The following ALG13 variants were observed in gnomAD, a reference collection of about 807,000 sequenced individuals.
ALG13 encodes UDP-N-acetylglucosamine transferase subunit ALG13.
A neutral mutation model predicts 87.8 loss-of-function variants in ALG13; 11 were observed. The ratio of observed to expected loss-of-function variants is 0.13; its 90% confidence interval spans 0.08 to 0.21. The LOEUF (loss-of-function observed/expected upper bound fraction) is 0.21. Ranked by LOEUF, ALG13 falls within the 10% of genes least tolerant of loss-of-function variation. The probability of loss-of-function intolerance (pLI) is 1.00; values close to 1 mark genes in which losing one functional copy is unlikely to be tolerated. For missense variants in ALG13, 756 were observed against 866.1 expected, an observed-to-expected ratio of 0.87 and a Z score of 1.60; for synonymous variants, 320 against 306.3, an observed-to-expected ratio of 1.04 and a Z score of -0.47.
At chrX:111,717,813 A>G in intron 8 of ALG13, 33 bp from the exon 9 acceptor site, 1 of 1,019,970 alleles carries the variant, frequency 9.8e-7, no homozygotes, top group East Asian at 3.1e-5. Context: ...GATGTGTAAC[A>G]TTCACTTAAT....
At position 111,751,877 on chromosome X, in the gene ALG13, T is replaced by G. The variant is rs956219639; in HGVS notation, c.2933-913T>G. Among the ~76,000 whole-genome samples the G allele has an allele frequency of 7.3e-5, 6 of 82,653 alleles. No homozygotes were observed. The East Asian group carries it at 1.9e-3, about 26-fold the overall frequency. The allele number at this position is 82,653 out of a possible 115,157, so 71.8% of individuals were successfully genotyped here. A position where few individuals can be genotyped will look rare whatever the true frequency, so the allele number is the denominator to read the frequency against. The stretch of plus-strand genomic sequence containing the variant: ...CTCAGGTCAAACAATAAAAATACAT[T>G]TAGAGGTCCAATTGGAATGCTAAGA... On this transcript the variant is annotated intron_variant, in intron 24 of 26. Coordinates refer to ENST00000394780, the MANE Select transcript of ALG13 (RefSeq NM_001099922.3).
chrX:111,720,273 G>C (rs1280220832), intron 11 of ALG13, 103 bp downstream of exon 11: 1 of 465,041 alleles, frequency 2.2e-6, no homozygotes, highest in Non-Finnish European at 3.4e-6. Context: ...TATGGGTTGA[G>C]GGAGGAGTTG....
intron 24 of ALG13, among the ~76,000 whole-genome samples, chrX:111,749,115 A>C (rs1167489303): frequency 9.1e-6 from 1 of 110,475 alleles, no homozygotes; most frequent in Non-Finnish European, 1.9e-5. Flanking sequence ...ACAACAAAAA[A>C]CCTTGGCCTT....
At chrX:111,697,459 C>T (rs190659904) in intron 3 of ALG13, among the ~76,000 whole-genome samples, 153 of 111,768 alleles carry the variant, frequency 1.4e-3, no homozygotes, top group South Asian at 6.8e-3. Flanking sequence ...GGATTCATCC[C>T]AGACCTGCCT....
intron 15 of ALG13, among the ~76,000 whole-genome samples, chrX:111,726,232 GTTTTTTTT>G (rs1213050998): frequency 1.7e-5 from 1 of 60,196 alleles, no homozygotes; most frequent in Admixed American, 1.9e-4. Context: ...GGCGTGTTTT[GTTTTTTTT>G]TTTTTTTTTT....
intron 3 of ALG13, among the ~76,000 whole-genome samples, chrX:111,704,524 A>G (rs1314404422): frequency 1.8e-5 from 2 of 112,214 alleles, no homozygotes; most frequent in Non-Finnish European, 3.8e-5. Context: ...GTGATGCACC[A>G]TGCTCCAACA....
At chrX:111,757,531 A>G in intron 25 of ALG13, 57 bp from the exon 26 acceptor site, 1 of 926,326 alleles carries the variant, frequency 1.1e-6, no homozygotes, top group Non-Finnish European at 1.5e-6. Flanking sequence ...ACTGTATTAC[A>G]TTAAGAATAG....
At chrX:111,716,248 T>C (rs1238214120) in intron 8 of ALG13, among the ~76,000 whole-genome samples, 5 of 111,911 alleles carry the variant, frequency 4.5e-5, no homozygotes, top group African/African-American at 1.6e-4. Context: ...ATTAATTACA[T>C]CCCATCTGCC....
In ALG13 at chrX:111,684,981, G is replaced by T; in HGVS notation, c.261G>T (p.Leu87Phe). Residue 87 changes from leucine (L) to phenylalanine (F), a missense_variant, in exon 3 of 27, where the codon TTG becomes TTT. Transcript: ENST00000394780. ...TATTTGTAGGTGCAGGAAGCTGTTT[G>T]GAGACTCTGGAAAAAGGAAAGCCAC... Reference protein sequence around the residue: ...VISHAGAGSCLETLEKGKPLV... With the variant: ...VISHAGAGSCFETLEKGKPLV... 1 of 1,208,171 alleles carries T rather than the reference G, an allele frequency of 8.3e-7. No homozygotes were observed. The highest frequency in any genetic ancestry group is 1.8e-5 in the South Asian group (1 of 56,340).
chrX:111,699,549 A>T (rs1937450165), intron 3 of ALG13, among the ~76,000 whole-genome samples: 1 of 111,373 alleles, frequency 9.0e-6, no homozygotes. Flanking sequence ...ATCCATTTTG[A>T]GTTGATTTTT....
chrX:111,747,133 T>G (rs757783657), intron 24 of ALG13, among the ~76,000 whole-genome samples: 1 of 111,792 alleles, frequency 8.9e-6, no homozygotes, highest in Non-Finnish European at 1.9e-5. Flanking sequence ...TTCATGAGTT[T>G]GGAAAAATGA....
intron 5 of ALG13, 49 bp downstream of exon 5, chrX:111,709,097 TGGA>T (rs1346704377): frequency 2.5e-6 from 2 of 815,139 alleles, no homozygotes; most frequent in East Asian, 7.7e-5. Context: ...GTGTAGCAGG[TGGA>T]AAAATAATTG....
At position 111,759,991 on chromosome X, in the gene ALG13, G is replaced by A. The variant is rs376207448; in HGVS notation, c.3406G>A (p.Gly1136Ser). Residue 1136 changes from glycine to serine, a missense_variant, in exon 27 of 27, where the codon GGT becomes AGT. Coordinates refer to ENST00000394780, the MANE Select transcript of ALG13 (RefSeq NM_001099922.3). ...CCCAGCTTCTCATTATGTACCTCAG[G>A]GTATGTAAGATCCAGCAGTATGAAG... ...SPPASHYVPQ[G>S]M 14 of 1,209,275 alleles carry A rather than the reference G, an allele frequency of 1.2e-5. No individual in the cohort carries two copies. Among genetic ancestry groups the A allele is most frequent in the Non-Finnish European group, 1.3e-5 (12 of 894,294 alleles).
At chrX:111,752,227 G>A (rs184186978) in intron 24 of ALG13, among the ~76,000 whole-genome samples, 1 of 111,426 alleles carries the variant, frequency 9.0e-6, no homozygotes, top group East Asian at 2.8e-4. Flanking sequence ...TTACCAAAGT[G>A]ACATTCCTGT....
chrX:111,730,404 A>T lies in ALG13; in HGVS notation c.2378A>T (p.His793Leu). The T allele has an allele frequency of 8.3e-7, 1 of 1,209,794 alleles. No individual in the cohort carries two copies. Among genetic ancestry groups the T allele is most frequent in the Non-Finnish European group, 1.1e-6 (1 of 893,780 alleles). ...GNGQSENGRY[H>L]EEYLYRAEPD... ...TGTCTTTTTTCCCCAGGGCGATATC[A>T]TGAAGAATATCTTTATCGTGCAGGT... is the stretch of plus-strand genomic sequence containing the variant. The change falls in exon 20 of 27, where the codon CAT becomes CTT. Residue 793 changes from histidine (H) to leucine (L), a missense_variant. Physicochemically the swap from His to Leu is moderately conservative, Grantham distance 99 (BLOSUM62 -3). Coordinates refer to ENST00000394780, the MANE Select transcript of ALG13 (RefSeq NM_001099922.3).
Position 111,726,962 on chromosome X carries a change from A to G in ALG13, c.1883A>G (p.His628Arg), listed in dbSNP as rs868434152. The change falls in exon 16 of 27, where the codon CAC becomes CGC. Residue 628 changes from histidine (H) to arginine (R), a missense_variant. Coordinates refer to ENST00000394780, the MANE Select transcript of ALG13 (RefSeq NM_001099922.3). ...SMHYGHDPPMHYSQTAGNVMS... is the reference protein window; with the variant it reads ...SMHYGHDPPMRYSQTAGNVMS... The stretch of plus-strand genomic sequence containing the variant: ...CATTATGGGCACGATCCTCCAATGC[A>G]CTACTCACAGACAGCTGGCAATGTT... 4 of 1,211,741 alleles carry G rather than the reference A, an allele frequency of 3.3e-6. No homozygotes were observed. The highest frequency in any genetic ancestry group is 1.8e-5 in the South Asian group (1 of 56,979).
At chrX:111,731,739 G>A (rs7885522) in intron 21 of ALG13, among the ~76,000 whole-genome samples, 24,398 of 111,464 alleles carry the variant, frequency 0.22, 6,307 homozygotes, top group African/African-American at 0.75. Flanking sequence ...CCATACTACA[G>A]TTCTTTTCTA....
In ALG13 at chrX:111,736,754, A is replaced by G. The variant is rs1556516921; in HGVS notation, c.2570A>G (p.Asn857Ser). Residue 857 changes from asparagine to serine, a missense_variant, in exon 23 of 27, where the codon AAT (asparagine) becomes AGT (serine). Coordinates refer to ENST00000394780, the MANE Select transcript of ALG13 (RefSeq NM_001099922.3). ...NIAAVAASCA[N>S]NVPAPVLSNG... ...GCAGCAGTTGCAGCTTCCTGTGCCAATAATGTTCCAGCTCCAGTCTTATCT... is the reference window on the plus strand; with the variant it reads ...GCAGCAGTTGCAGCTTCCTGTGCCAGTAATGTTCCAGCTCCAGTCTTATCT... 2 of 1,210,833 alleles carry G rather than the reference A, an allele frequency of 1.7e-6. No homozygotes were observed. The highest frequency in any genetic ancestry group is 1.7e-5 in the African/African-American group (1 of 57,798).
chrX:111,740,217 C>CT (rs755639771), intron 23 of ALG13, among the ~76,000 whole-genome samples: 2 of 110,908 alleles, frequency 1.8e-5, no homozygotes, highest in East Asian at 5.7e-4. Flanking sequence ...ACATCAGATT[C>CT]TTTAGTTTAG....
Sources: gnomAD v4.1 joint callset for allele counts (sites outside exome capture counted in the v4.1 genomes callset) on GRCh38, gnomAD v4.1.1 for gene constraint, MANE v1.5 for transcripts, NCBI Gene and HGNC (gene_info 2026-07-23, HGNC 2026-07-21) for gene names.